The following KCNMB2 variants were observed in gnomAD, a reference collection of about 807,000 sequenced individuals.
KCNMB2 encodes calcium-activated potassium channel subunit beta-2.
In KCNMB2, 9 loss-of-function variants were observed where a neutral mutation model predicts 24.5. That is an observed-to-expected ratio of 0.37 (90% confidence interval 0.22 to 0.64). The LOEUF (loss-of-function observed/expected upper bound fraction) is 0.64. Among genes scored for constraint, KCNMB2 ranks in the 30% least tolerant of loss-of-function variants. KCNMB2 has a pLI of 0.63. For missense variants in KCNMB2, 226 were observed against 284.3 expected (o/e 0.79, Z 1.47); for synonymous variants, 109 against 104.4 (o/e 1.04, Z -0.27).
intron 1 of KCNMB2, among the ~76,000 whole-genome samples, chr3:178,580,135 C>A (rs992311110): frequency 6.6e-6 from 1 of 152,178 alleles, no homozygotes; most frequent in Non-Finnish European, 1.5e-5. Context: ...AAAATACTGG[C>A]AAACCGAATC....
chr3:178,782,941 T>G (rs1216059615), intron 1 of KCNMB2, among the ~76,000 whole-genome samples: 1 of 151,260 alleles, frequency 6.6e-6, no homozygotes, highest in East Asian at 1.9e-4. Context: ...CATTTAAGTC[T>G]TTAATCCATC....
intron 1 of KCNMB2, among the ~76,000 whole-genome samples, chr3:178,625,911 T>G (rs1199345871): frequency 1.3e-5 from 2 of 152,222 alleles, no homozygotes; most frequent in African/African-American, 4.8e-5. Flanking sequence ...AGAGTAAGAC[T>G]TGATCTTGCC....
intron 1 of KCNMB2, among the ~76,000 whole-genome samples, chr3:178,697,115 A>G (rs1721908490): frequency 1.3e-5 from 2 of 152,206 alleles, no homozygotes; most frequent in African/African-American, 4.8e-5. Context: ...GATATCTATC[A>G]GGTCCATTTG....
At chr3:178,713,309 G>C (rs1722513811) in intron 1 of KCNMB2, among the ~76,000 whole-genome samples, 1 of 152,162 alleles carries the variant, frequency 6.6e-6, no homozygotes, top group Admixed American at 6.5e-5. Context: ...TCATTCTTGG[G>C]AAATATCTGA....
At chr3:178,717,468 C>A (rs1339977891) in intron 1 of KCNMB2, among the ~76,000 whole-genome samples, 1 of 152,088 alleles carries the variant, frequency 6.6e-6, no homozygotes, top group Non-Finnish European at 1.5e-5. Context: ...AAGCCTAATG[C>A]AACCTCAGTA....
chr3:178,626,643 T>C (rs983269288), intron 1 of KCNMB2, among the ~76,000 whole-genome samples: 8 of 152,148 alleles, frequency 5.3e-5, no homozygotes, highest in East Asian at 1.9e-4. Flanking sequence ...TCAGATCTCA[T>C]GAGAAGTCAC....
intron 1 of KCNMB2, among the ~76,000 whole-genome samples, chr3:178,540,547 ATT>A (rs1050931040): frequency 1.3e-5 from 2 of 152,118 alleles, no homozygotes; most frequent in Non-Finnish European, 2.9e-5. Flanking sequence ...TTCTGCTACC[ATT>A]CTTTTCCATT....
intron 1 of KCNMB2, among the ~76,000 whole-genome samples, chr3:178,548,398 C>T (rs772059048): frequency 6.6e-6 from 1 of 152,208 alleles, no homozygotes; most frequent in African/African-American, 2.4e-5. Context: ...CTTAACCAAG[C>T]AAATCAAGTC....
chr3:178,770,232 T>C (rs1221293480), intron 1 of KCNMB2, among the ~76,000 whole-genome samples: 2 of 152,208 alleles, frequency 1.3e-5, no homozygotes, highest in Non-Finnish European at 2.9e-5. Context: ...AGCTCCAGGC[T>C]CTGAGAGAGG....
At position 178,701,841 on chromosome 3, in the gene KCNMB2, A is replaced by G. The variant is rs374604846; in HGVS notation, c.-67-105502A>G. 1.1e-4 allele frequency among the ~76,000 whole-genome samples: 17 copies of G among 152,324 alleles called. 1 individual carries two copies. The South Asian group carries it at 3.5e-3, about 32-fold the overall frequency. On this transcript the variant is annotated intron_variant, in intron 1 of 4. Coordinates refer to ENST00000452583, the MANE Select transcript of KCNMB2 (RefSeq NM_181361.3). ...GGTGGGACTGTAAACTAGTTCAACC[A>G]TTGTGGAAGACAGTGTGGTGATTCC...
intron 1 of KCNMB2, among the ~76,000 whole-genome samples, chr3:178,625,541 C>T (rs1719086960): frequency 6.6e-6 from 1 of 152,192 alleles, no homozygotes; most frequent in Non-Finnish European, 1.5e-5. Context: ...TGACTATTAT[C>T]TAACTCATAG....
intron 1 of KCNMB2, among the ~76,000 whole-genome samples, chr3:178,666,079 G>A (rs757126963): frequency 6.6e-6 from 1 of 152,118 alleles, no homozygotes; most frequent in Non-Finnish European, 1.5e-5. Flanking sequence ...GTGTGTCATT[G>A]GAGAGCAGCA....
At chr3:178,766,509 T>C (rs1712127941) in intron 1 of KCNMB2, among the ~76,000 whole-genome samples, 1 of 152,164 alleles carries the variant, frequency 6.6e-6, no homozygotes, top group African/African-American at 2.4e-5. Flanking sequence ...ATATTTTTCA[T>C]ACATGTGATT....
chr3:178,816,029 A>G (rs1019682002), intron 2 of KCNMB2, among the ~76,000 whole-genome samples: 48 of 151,766 alleles, frequency 3.2e-4, no homozygotes, highest in African/African-American at 2.4e-5. Flanking sequence ...TAACTTCATT[A>G]ATAGGTTGGG....
In KCNMB2 at chr3:178,782,393, G is replaced by T. The variant is rs1353984118; in HGVS notation, c.-67-24950G>T. ...TGACTTCCACAATGGTTGAACTAGT[G>T]TACAGTCCCACCAACAGTGTAAAAG... is the stretch of plus-strand genomic sequence containing the variant. On this transcript the variant is annotated intron_variant, in intron 1 of 4. Transcript: ENST00000452583. Among the ~76,000 whole-genome samples, 89 of 151,688 alleles carry T rather than the reference G, an allele frequency of 5.9e-4. 1 individual carries two copies. The highest frequency in any genetic ancestry group is 1.3e-3 in the Admixed American group (20 of 15,210).
chr3:178,599,267 A>G (rs1363404212), intron 1 of KCNMB2, among the ~76,000 whole-genome samples: 2 of 152,190 alleles, frequency 1.3e-5, no homozygotes, highest in Non-Finnish European at 2.9e-5. Context: ...ATTAAAAAGA[A>G]TAATTGACAA....
intron 2 of KCNMB2, among the ~76,000 whole-genome samples, chr3:178,823,911 G>GC (rs199857528): frequency 7.5e-4 from 98 of 130,842 alleles, no homozygotes; most frequent in African/African-American, 3.1e-3. Context: ...TTTGCCTGAA[G>GC]CTAAAAAAAA....
chr3:178,769,676 T>C (rs540396059), intron 1 of KCNMB2, among the ~76,000 whole-genome samples: 1 of 152,228 alleles, frequency 6.6e-6, no homozygotes, highest in Non-Finnish European at 1.5e-5. Context: ...ATCAAGATCC[T>C]ACGAGAATTT....
chr3:178,735,838 T>C (rs1045724381), intron 1 of KCNMB2, among the ~76,000 whole-genome samples: 3 of 152,212 alleles, frequency 2.0e-5, no homozygotes, highest in Non-Finnish European at 2.9e-5. Flanking sequence ...ACTTTTTCTA[T>C]GTAATGAGAG....
Sources: allele counts gnomAD v4.1 joint callset (sites outside exome capture counted in the v4.1 genomes callset), GRCh38; gene constraint gnomAD v4.1.1; transcripts MANE v1.5; gene names NCBI Gene and HGNC (gene_info 2026-07-23, HGNC 2026-07-21).